Variants in NRF1 observed in about 807,000 individuals in gnomAD.
The protein encoded by NRF1 is nuclear respiratory factor 1.
Under a neutral mutation model 58.5 loss-of-function variants are expected in NRF1, and 5 were observed. That is an observed-to-expected ratio of 0.09 (90% confidence interval 0.04 to 0.18). NRF1 has a LOEUF of 0.18. Ranked by LOEUF, NRF1 falls within the 10% of genes least tolerant of loss-of-function variation. The probability of loss-of-function intolerance (pLI) is 1.00; values close to 1 mark genes in which losing one functional copy is unlikely to be tolerated. For synonymous variants in NRF1, 224 were observed against 246.7 expected, an observed-to-expected ratio of 0.91 and a Z score of 0.86; for missense variants, 288 against 657.7, an observed-to-expected ratio of 0.44 and a Z score of 6.15.
At chr7:129,645,697 G>A (rs963022203) in intron 1 of NRF1, among the ~76,000 whole-genome samples, 1 of 152,168 alleles carries the variant, frequency 6.6e-6, no homozygotes, top group Non-Finnish European at 1.5e-5. Context: ...GTACTATGAT[G>A]TTGATTTTGA....
chr7:129,676,494 A>G (rs1300214864), intron 3 of NRF1, among the ~76,000 whole-genome samples: 2 of 152,210 alleles, frequency 1.3e-5, no homozygotes, highest in Admixed American at 1.3e-4. Flanking sequence ...AGGCCTGAGG[A>G]GTGGGAGAGA....
chr7:129,638,747 T>C (rs757382420), intron 1 of NRF1, among the ~76,000 whole-genome samples: 1 of 152,216 alleles, frequency 6.6e-6, no homozygotes, highest in Non-Finnish European at 1.5e-5. Flanking sequence ...TTTTGATTTC[T>C]TTAGGAACTT....
At chr7:129,635,316 T>C (rs1160513924) in intron 1 of NRF1, among the ~76,000 whole-genome samples, 1 of 152,212 alleles carries the variant, frequency 6.6e-6, no homozygotes, top group Non-Finnish European at 1.5e-5. Flanking sequence ...AGAAGAGTTT[T>C]GGTTTTTTTC....
intron 10 of NRF1, among the ~76,000 whole-genome samples, chr7:129,746,423 G>C (rs1803976316): frequency 6.6e-6 from 1 of 152,116 alleles, no homozygotes; most frequent in South Asian, 2.1e-4. Flanking sequence ...TGCTAGACTA[G>C]CTTCTTTACT....
At chr7:129,700,789 A>G (rs1457183380) in intron 5 of NRF1, among the ~76,000 whole-genome samples, 1 of 152,152 alleles carries the variant, frequency 6.6e-6, no homozygotes, top group Non-Finnish European at 1.5e-5. Flanking sequence ...ATGGTGGTGC[A>G]TCCATAGTCC....
intron 1 of NRF1, among the ~76,000 whole-genome samples, chr7:129,634,061 TACACACACACAC>T (rs141834786): frequency 1.5e-5 from 2 of 131,462 alleles, no homozygotes; most frequent in African/African-American, 2.9e-5. Flanking sequence ...TATATATATA[TACACACACACAC>T]ACACACACAC....
intron 4 of NRF1, among the ~76,000 whole-genome samples, chr7:129,680,704 C>G (rs947912857): frequency 6.6e-6 from 1 of 152,154 alleles, no homozygotes; most frequent in Non-Finnish European, 1.5e-5. Context: ...CAAAAGATCA[C>G]ATGTTGTATG....
chr7:129,695,988 C>T (rs111706507), intron 5 of NRF1, among the ~76,000 whole-genome samples: 1 of 142,736 alleles, frequency 7.0e-6, no homozygotes, highest in African/African-American at 2.6e-5. Flanking sequence ...TTTGGGAGGC[C>T]GAGGCAGGTG....
intron 10 of NRF1, among the ~76,000 whole-genome samples, chr7:129,752,364 T>C (rs1056277847): frequency 3.7e-5 from 5 of 134,620 alleles, no homozygotes; most frequent in African/African-American, 1.4e-4. Flanking sequence ...CTGAGAGTAG[T>C]CTGGGGGTGG....
At chr7:129,645,371 A>G (rs764502852) in intron 1 of NRF1, among the ~76,000 whole-genome samples, 2 of 152,176 alleles carry the variant, frequency 1.3e-5, no homozygotes, top group African/African-American at 4.8e-5. Flanking sequence ...AGAAGTGAGG[A>G]TGTGTTTAAG....
chr7:129,698,904 G>A (rs1337506861), intron 5 of NRF1, among the ~76,000 whole-genome samples: 1 of 152,174 alleles, frequency 6.6e-6, no homozygotes, highest in East Asian at 1.9e-4. Context: ...GGTCCTGTAG[G>A]CATCTCTTGT....
intron 9 of NRF1, 84 bp from the exon 10 acceptor site, chr7:129,727,157 A>G (rs1803467680): frequency 7.1e-7 from 1 of 1,411,318 alleles, no homozygotes; most frequent in Admixed American, 2.7e-5. Flanking sequence ...GAAAGACCCA[A>G]GGAAGGCATT....
At chr7:129,668,538 A>G (rs760112316) in intron 2 of NRF1, among the ~76,000 whole-genome samples, 1 of 152,240 alleles carries the variant, frequency 6.6e-6, no homozygotes, top group Non-Finnish European at 1.5e-5. Context: ...TTATAAATCA[A>G]TCAAATCAAG....
At chr7:129,660,709 C>T (rs1801759810) in intron 2 of NRF1, among the ~76,000 whole-genome samples, 1 of 150,764 alleles carries the variant, frequency 6.6e-6, no homozygotes, top group Admixed American at 6.6e-5. Context: ...CAGGGTACAG[C>T]CTCCCTCCCA....
At chr7:129,635,690 C>T (rs1387372367) in intron 1 of NRF1, among the ~76,000 whole-genome samples, 1 of 152,150 alleles carries the variant, frequency 6.6e-6, no homozygotes, top group Non-Finnish European at 1.5e-5. Context: ...TCTGCCTGCT[C>T]GTTTAAGTCA....
At chr7:129,705,394 G>A (rs760912718) in intron 5 of NRF1, among the ~76,000 whole-genome samples, 2 of 152,122 alleles carry the variant, frequency 1.3e-5, no homozygotes, top group South Asian at 2.1e-4. Flanking sequence ...GGGATTAAGC[G>A]ATTCTCCTGC....
intron 8 of NRF1, among the ~76,000 whole-genome samples, chr7:129,715,228 G>A (rs574569153): frequency 4.6e-5 from 7 of 152,254 alleles, no homozygotes; most frequent in African/African-American, 1.2e-4. Flanking sequence ...ATTTTTTACC[G>A]TCCTGACTGG....
intron 2 of NRF1, among the ~76,000 whole-genome samples, chr7:129,668,211 G>A (rs1175180654): frequency 3.3e-5 from 5 of 152,064 alleles, no homozygotes; most frequent in Admixed American, 1.3e-4. Flanking sequence ...TTCTGACACA[G>A]GAGGATGTTT....
intron 10 of NRF1, among the ~76,000 whole-genome samples, chr7:129,750,355 G>T (rs1288727370): frequency 6.6e-6 from 1 of 152,088 alleles, no homozygotes; most frequent in Non-Finnish European, 1.5e-5. Flanking sequence ...CCCGACTTAG[G>T]GCACGCTGGG....
Sources: gnomAD v4.1 joint callset for allele counts (sites outside exome capture counted in the v4.1 genomes callset) on GRCh38, gnomAD v4.1.1 for gene constraint, MANE v1.5 for transcripts, NCBI Gene and HGNC (gene_info 2026-07-23, HGNC 2026-07-21) for gene names.